RASGRP3: variants seen among roughly 807,000 people sequenced by gnomAD.
RASGRP3 encodes the protein RAS guanyl releasing protein 3.
A neutral mutation model predicts 82.7 loss-of-function variants in RASGRP3; 54 were observed. The observed-to-expected ratio is 0.65, with a 90% CI of 0.52 to 0.82. The LOEUF is 0.82. Ranked by LOEUF, RASGRP3 falls within the 40% of genes least tolerant of loss-of-function variation. The pLI, the probability that RASGRP3 is intolerant of heterozygous loss-of-function variation, is 0.00. For synonymous variants in RASGRP3, 309 were observed against 300.5 expected, an observed-to-expected ratio of 1.03 and a Z score of -0.29; for missense variants, 861 against 828.9, an observed-to-expected ratio of 1.04 and a Z score of -0.48.
rs17013362 is a variant in RASGRP3, at chr2:33,563,038, A to G, written c.*301A>G. The stretch of plus-strand genomic sequence containing the variant: ...CTCTAGACCATTTATATACGGGTGA[A>G]ATGAAAGCTTTTTTGCATGTACTTG... On this transcript the variant is annotated 3_prime_UTR_variant, in exon 18 of 18. Transcript: ENST00000403687. The G allele has an allele frequency of 0.11, 43,082 of 381,650 alleles. 2,863 individuals are homozygous for G. Among genetic ancestry groups the G allele is most frequent in the Non-Finnish European group, 0.12 (26,649 of 214,682 alleles). 23.6% of individuals were successfully genotyped at this position (381,650 alleles called of 1,614,324 possible). A position where few individuals can be genotyped will look rare whatever the true frequency, so the allele number is the denominator to read the frequency against.
intron 2 of RASGRP3, among the ~76,000 whole-genome samples, chr2:33,464,115 T>A (rs1666543964): frequency 6.9e-6 from 1 of 144,404 alleles, no homozygotes; most frequent in Non-Finnish European, 1.5e-5. Flanking sequence ...ATAATAATTA[T>A]TATTATTATT....
At chr2:33,441,527 A>C (rs1381052932) in intron 1 of RASGRP3, among the ~76,000 whole-genome samples, 1 of 152,212 alleles carries the variant, frequency 6.6e-6, no homozygotes, top group East Asian at 1.9e-4. Context: ...CAAGAAGGCT[A>C]GTTGTGCTAG....
chr2:33,522,987 T>C (rs1490110317), intron 7 of RASGRP3, among the ~76,000 whole-genome samples: 1 of 152,254 alleles, frequency 6.6e-6, no homozygotes, highest in Non-Finnish European at 1.5e-5. Context: ...GCTAACATTC[T>C]GAAAATGTGT....
At chr2:33,477,326 A>G (rs1347737236) in intron 1 of RASGRP3, among the ~76,000 whole-genome samples, 1 of 152,212 alleles carries the variant, frequency 6.6e-6, no homozygotes, top group African/African-American at 2.4e-5. Flanking sequence ...TGAAAGCTGT[A>G]TTTTATAGCG....
intron 1 of RASGRP3, among the ~76,000 whole-genome samples, chr2:33,479,395 C>T (rs1667674266): frequency 6.8e-6 from 1 of 146,816 alleles, no homozygotes; most frequent in Non-Finnish European, 1.6e-5. Flanking sequence ...TCACTCCTTT[C>T]CTTTGGAGGA....
At chr2:33,551,041 G>T (rs911269943) in intron 14 of RASGRP3, among the ~76,000 whole-genome samples, 1 of 152,146 alleles carries the variant, frequency 6.6e-6, no homozygotes, top group African/African-American at 2.4e-5. Flanking sequence ...GGCCAGGCGC[G>T]GTGGCTCATG....
chr2:33,473,088 G>C (rs1020942431), upstream of RASGRP3, among the ~76,000 whole-genome samples: 6 of 149,212 alleles, frequency 4.0e-5, no homozygotes, highest in Admixed American at 1.3e-4. Context: ...TCTGGCTGGG[G>C]GCAGTGGCTC....
intron 4 of RASGRP3, among the ~76,000 whole-genome samples, chr2:33,517,964 A>G (rs990803633): frequency 2.0e-5 from 3 of 152,226 alleles, no homozygotes; most frequent in African/African-American, 4.8e-5. Flanking sequence ...CACAAGCTCA[A>G]TAAATATTTG....
intron 2 of RASGRP3, among the ~76,000 whole-genome samples, chr2:33,464,592 C>A (rs531695715): frequency 6.6e-6 from 1 of 152,150 alleles, no homozygotes; most frequent in Admixed American, 6.5e-5. Context: ...CCCACCTTAG[C>A]TACCCGAATA....
At chr2:33,512,697 A>T (rs546504842) in intron 2 of RASGRP3, among the ~76,000 whole-genome samples, 1 of 152,350 alleles carries the variant, frequency 6.6e-6, no homozygotes, top group East Asian at 1.9e-4. Context: ...CTCATATTCA[A>T]TGACAAACCT....
At chr2:33,552,529 C>T (rs1255604832) in intron 14 of RASGRP3, among the ~76,000 whole-genome samples, 1 of 151,984 alleles carries the variant, frequency 6.6e-6, no homozygotes, top group Admixed American at 6.5e-5. Context: ...TCTTTACTGA[C>T]ACTCATGTCA....
At chr2:33,442,970 G>A (rs1057068800) in intron 1 of RASGRP3, among the ~76,000 whole-genome samples, 6 of 150,922 alleles carry the variant, frequency 4.0e-5, no homozygotes, top group Non-Finnish European at 7.4e-5. Context: ...TCAGTAATCC[G>A]GTAATCCCAC....
At chr2:33,539,246 G>A (rs139683514) in intron 12 of RASGRP3, 36 bp downstream of exon 12, 1 of 1,431,668 alleles carries the variant, frequency 7.0e-7, no homozygotes, top group East Asian at 2.4e-5. Context: ...GAGGGCACTA[G>A]AAGACCCTTT....
intron 1 of RASGRP3, among the ~76,000 whole-genome samples, chr2:33,440,890 G>GA (rs1665188408): frequency 6.6e-6 from 1 of 150,738 alleles, no homozygotes; most frequent in Non-Finnish European, 1.5e-5. Context: ...CTCCAAACTT[G>GA]TTTTTTTTTC....
intron 17 of RASGRP3, chr2:33,559,491 G>C (rs1055651959): frequency 2.6e-6 from 1 of 390,598 alleles, no homozygotes; most frequent in Non-Finnish European, 5.1e-6. Flanking sequence ...CATGGAAAAG[G>C]GGGTGGTGAG....
chr2:33,553,266 C>T (rs1355922781), intron 14 of RASGRP3, among the ~76,000 whole-genome samples: 1 of 152,148 alleles, frequency 6.6e-6, no homozygotes, highest in Non-Finnish European at 1.5e-5. Context: ...TCTTCTTTCC[C>T]TCACTAGCTA....
At chr2:33,543,209 C>G (rs1447604159) in intron 12 of RASGRP3, among the ~76,000 whole-genome samples, 1 of 152,016 alleles carries the variant, frequency 6.6e-6, no homozygotes, top group African/African-American at 2.4e-5. Flanking sequence ...GCAATGAGGT[C>G]TCTCTATATT....
At chr2:33,546,869 C>T (rs1447080579) in intron 13 of RASGRP3, among the ~76,000 whole-genome samples, 2 of 151,918 alleles carry the variant, frequency 1.3e-5, no homozygotes, top group African/African-American at 2.4e-5. Context: ...GAGCTCGAGA[C>T]CAGTCTGACC....
Position 33,562,766 on chromosome 2 carries a change from A to C in RASGRP3, c.*29A>C. ...CAGGCTGCGGAAACTGAAGGCAATA[A>C]TGTTGGCTTTTGGAAGGGGCAAGAC... On this transcript the variant is annotated 3_prime_UTR_variant, in exon 18 of 18. Coordinates refer to ENST00000403687, the MANE Select transcript of RASGRP3 (RefSeq NM_001139488.2). 1.2e-6 allele frequency: 2 copies of C among 1,612,010 alleles called. No homozygotes were observed. The highest frequency in any genetic ancestry group is 1.7e-6 in the Non-Finnish European group (2 of 1,178,130).
Sources: allele counts gnomAD v4.1 joint callset (sites outside exome capture counted in the v4.1 genomes callset), GRCh38; gene constraint gnomAD v4.1.1; transcripts MANE v1.5; gene names NCBI Gene and HGNC (gene_info 2026-07-23, HGNC 2026-07-21).